Variants in LPA observed in about 807,000 individuals in gnomAD.
LPA encodes lipoprotein(a), also known as apolipoprotein(a).
In LPA, 199 loss-of-function variants were observed where a neutral mutation model predicts 197.9. The ratio of observed to expected loss-of-function variants is 1.01; its 90% CI spans 0.90 to 1.13. The LOEUF (loss-of-function observed/expected upper bound fraction) is 1.13, where lower values mean the gene tolerates loss of function less well. LPA is among the 50% of genes most tolerant of loss of function. The pLI is 0.00. For missense variants in LPA, 1,853 were observed against 1,785.8 expected (o/e 1.04, Z -0.68); for synonymous variants, 715 against 639.5 (o/e 1.12, Z -1.78).
At chr6:160,565,048 C>A (rs957968116) in intron 28 of LPA, among the ~76,000 whole-genome samples, 1 of 152,226 alleles carries the variant, frequency 6.6e-6, no homozygotes, top group Non-Finnish European at 1.5e-5. Context: ...GTGGAGCCCA[C>A]CACAGCTCAA....
At chr6:160,576,660 A>G (rs1778685754) in intron 28 of LPA, among the ~76,000 whole-genome samples, 1 of 134,350 alleles carries the variant, frequency 7.4e-6, no homozygotes, top group Non-Finnish European at 1.6e-5. Flanking sequence ...ATATATAAAT[A>G]TTCAGATGTT....
In LPA at chr6:160,664,250, C is replaced by T; in HGVS notation, c.-36G>A. The T allele has an allele frequency of 6.2e-7, 1 of 1,601,392 alleles. No homozygotes were observed. Among genetic ancestry groups the T allele is most frequent in the Non-Finnish European group, 8.5e-7 (1 of 1,175,434 alleles). On this transcript the variant is annotated 5_prime_UTR_variant, in exon 1 of 39. It introduces an in-frame stop codon into an upstream open reading frame of the 5' UTR. Coordinates refer to ENST00000316300, the MANE Select transcript of LPA (RefSeq NM_005577.4). ...GCCAGCAGTGCCCAGAAAGTGTGTC[C>T]CAATCCCAGGACATTGTTGACTTAC...
At chr6:160,576,418 G>GTATATATATATATATATATATATGGT (rs1173500008) in intron 28 of LPA, among the ~76,000 whole-genome samples, 1 of 24,994 alleles carries the variant, frequency 4.0e-5, no homozygotes, top group Non-Finnish European at 6.9e-5. Context: ...ATATATATGG[G>GTATATATATATATATATATATATGGT]TATATATATA....
chr6:160,650,211 C>A, intron 2 of LPA, 127 bp downstream of exon 2: 2 of 875,738 alleles, frequency 2.3e-6, no homozygotes, highest in Admixed American at 3.5e-5. Context: ...TAATGTTTCT[C>A]AGACATTTTG....
chr6:160,550,542 T>A (rs866497344), intron 30 of LPA, among the ~76,000 whole-genome samples: 19 of 152,226 alleles, frequency 1.2e-4, no homozygotes, highest in African/African-American at 4.3e-4. Flanking sequence ...AGGTATATTT[T>A]CATGTATAGT....
intron 28 of LPA, among the ~76,000 whole-genome samples, chr6:160,565,377 T>A (rs936426410): frequency 6.6e-6 from 1 of 152,300 alleles, no homozygotes; most frequent in Admixed American, 6.5e-5. Context: ...TATTTGCTGT[T>A]CTGCAGCCTC....
chr6:160,654,004 A>AGT (rs1562354694), intron 1 of LPA, among the ~76,000 whole-genome samples: 203 of 5,904 alleles, frequency 0.034, 29 homozygotes, highest in African/African-American at 0.12. Flanking sequence ...TATTATATAT[A>AGT]ATATATATTA....
At chr6:160,578,161 T>C (rs930622186) in intron 27 of LPA, among the ~76,000 whole-genome samples, 6 of 152,200 alleles carry the variant, frequency 3.9e-5, no homozygotes, top group Non-Finnish European at 2.9e-5. Flanking sequence ...GAAAAAAGTC[T>C]ACTTTAAATC....
intron 1 of LPA, among the ~76,000 whole-genome samples, chr6:160,657,887 C>A (rs1206239055): frequency 6.6e-6 from 1 of 152,182 alleles, no homozygotes; most frequent in Non-Finnish European, 1.5e-5. Flanking sequence ...TTAAGCAGTT[C>A]TTTTAGAGTA....
At chr6:160,550,235 A>C (rs1393151395) in intron 30 of LPA, among the ~76,000 whole-genome samples, 2 of 151,396 alleles carry the variant, frequency 1.3e-5, no homozygotes, top group Non-Finnish European at 2.9e-5. Context: ...AAAAAAAAAA[A>C]AGCACAGCCG....
intron 28 of LPA, among the ~76,000 whole-genome samples, chr6:160,576,367 CATATATATAT>C (rs1158223888): frequency 1.3e-5 from 1 of 78,010 alleles, no homozygotes; most frequent in African/African-American, 4.5e-5. Flanking sequence ...TATATATATA[CATATATATAT>C]ATATATATAT....
chr6:160,594,703 A>G (rs1779096327), intron 21 of LPA, among the ~76,000 whole-genome samples: 1 of 152,204 alleles, frequency 6.6e-6, no homozygotes, highest in Non-Finnish European at 1.5e-5. Context: ...ATTGCAACAA[A>G]GTAGATATCC....
chr6:160,572,443 G>C (rs1187735845), intron 28 of LPA, among the ~76,000 whole-genome samples: 1 of 152,114 alleles, frequency 6.6e-6, no homozygotes, highest in Admixed American at 6.5e-5. Context: ...TATTGCCTCC[G>C]TACTTTGGTT....
At chr6:160,647,935 A>T (rs1016542076) in intron 2 of LPA, among the ~76,000 whole-genome samples, 1 of 152,182 alleles carries the variant, frequency 6.6e-6, no homozygotes, top group African/African-American at 2.4e-5. Flanking sequence ...GGCTGCAGAA[A>T]GTTCCCTTCT....
intron 18 of LPA, among the ~76,000 whole-genome samples, chr6:160,602,398 A>G (rs1464475679): frequency 6.6e-6 from 1 of 152,206 alleles, no homozygotes; most frequent in Admixed American, 6.5e-5. Context: ...TTACAATGGT[A>G]CACTTCCAAT....
chr6:160,581,294 TTTTG>T (rs990637936), intron 26 of LPA, among the ~76,000 whole-genome samples: 8 of 152,094 alleles, frequency 5.3e-5, no homozygotes, highest in African/African-American at 9.7e-5. Context: ...ACTATGTATT[TTTTG>T]TTTGTTTGTT....
intron 30 of LPA, 137 bp downstream of exon 30, chr6:160,555,888 C>G (rs1778254558): frequency 3.1e-6 from 3 of 958,906 alleles, no homozygotes; most frequent in Admixed American, 1.8e-5. Context: ...TGATCAAAAG[C>G]AAAGTTGTCT....
chr6:160,585,190 C>T lies in LPA; in HGVS notation c.4145G>A (p.Ser1382Asn), dbSNP rs1318664569. 7 of 1,613,732 alleles carry T rather than the reference C, an allele frequency of 4.3e-6. No homozygotes were observed. Among genetic ancestry groups the T allele is most frequent in the Admixed American group, 3.3e-5 (2 of 59,996 alleles). ...TCGGTAGCAGTCCTGGACCCCAGTG[C>T]TGTTTTCAGTTGGTGCTGAAATTAA... is the stretch of plus-strand genomic sequence containing the variant. ...LPSEEAPTEN[S>N]TGVQDCYRGD... is the part of the protein sequence containing the mutation. Residue 1382 changes from serine (S) to asparagine (N), a missense_variant, in exon 26 of 39, where the codon AGC becomes AAC. Ser to Asn is a conservative substitution (Grantham distance 46). This residue lies in a region of LPA where 1,737 missense variants were observed against 1,504.4 expected (regional missense o/e 1.15). Coordinates refer to ENST00000316300, the MANE Select transcript of LPA (RefSeq NM_005577.4).
At chr6:160,549,417 G>A (rs1034505004) in intron 30 of LPA, among the ~76,000 whole-genome samples, 2 of 152,136 alleles carry the variant, frequency 1.3e-5, no homozygotes, top group Non-Finnish European at 1.5e-5. Flanking sequence ...AGATTGTTAT[G>A]CATATACAAA....
Sources: gnomAD v4.1 joint callset for allele counts (sites outside exome capture counted in the v4.1 genomes callset) on GRCh38, gnomAD v4.1.1 for gene constraint, gnomAD v4.1.1 regional missense constraint, MANE v1.5 for transcripts, NCBI Gene and HGNC (gene_info 2026-07-23, HGNC 2026-07-21) for gene names.